Variants in SEMA6D observed in about 807,000 individuals in gnomAD.
SEMA6D encodes the protein semaphorin-6D.
SEMA6D carries 35 observed loss-of-function variants against 106.6 expected under a neutral mutation model. The ratio of observed to expected loss-of-function variants is 0.33; its 90% CI spans 0.25 to 0.44. The LOEUF (loss-of-function observed/expected upper bound fraction) is 0.44, where lower values mean the gene tolerates loss of function less well. Among genes scored for constraint, SEMA6D ranks in the 20% least tolerant of loss-of-function variants. The pLI is 1.00. For missense variants in SEMA6D, 1,185 were observed against 1,345.9 expected (o/e 0.88, Z 1.87); for synonymous variants, 499 against 487.7 (o/e 1.02, Z -0.31).
In SEMA6D at chr15:47,560,456, C is replaced by T. The variant is rs534173563; in HGVS notation, c.-86-40409C>T. Among the ~76,000 whole-genome samples, 11 of 151,904 alleles carry T rather than the reference C, an allele frequency of 7.2e-5. No individual in the cohort carries two copies. The South Asian group carries it at 8.3e-4, about 11-fold the overall frequency. On this transcript the variant is annotated intron_variant, in intron 3 of 19. Coordinates refer to the SEMA6D transcript ENST00000558014. ...AAGAAAATAATAAAGGGCTCAAGAG[C>T]AGATTTGAGATGGAAAAGAAAAATA...
At chr15:47,433,229 C>T (rs75531440) in intron 2 of SEMA6D, among the ~76,000 whole-genome samples, 2,800 of 152,068 alleles carry the variant, frequency 0.018, 83 homozygotes, top group African/African-American at 0.064. Context: ...CCATAGACAA[C>T]GCAAACATAA....
chr15:47,215,619 G>C (rs1290094151), intron 1 of SEMA6D, among the ~76,000 whole-genome samples: 1 of 151,960 alleles, frequency 6.6e-6, no homozygotes, highest in African/African-American at 2.4e-5. Flanking sequence ...ATTCATACAT[G>C]GTAATATTTA....
At chr15:47,554,780 G>A (rs1566885287) in intron 3 of SEMA6D, among the ~76,000 whole-genome samples, 3 of 151,994 alleles carry the variant, frequency 2.0e-5, no homozygotes, top group Non-Finnish European at 4.4e-5. Context: ...TGTTTTGGTC[G>A]TGTAGCTTCT....
intron 4 of SEMA6D, among the ~76,000 whole-genome samples, chr15:47,640,208 G>A (rs2077463902): frequency 6.6e-6 from 1 of 152,130 alleles, no homozygotes; most frequent in East Asian, 1.9e-4. Context: ...GGACACCAGG[G>A]ATAATTCACA....
intron 1 of SEMA6D, among the ~76,000 whole-genome samples, chr15:47,253,891 C>T (rs1299418847): frequency 1.3e-5 from 2 of 152,070 alleles, no homozygotes; most frequent in Non-Finnish European, 2.9e-5. Flanking sequence ...CTGTAAAGAA[C>T]GTCGTTGATA....
intron 2 of SEMA6D, among the ~76,000 whole-genome samples, chr15:47,464,382 A>G (rs952912399): frequency 3.3e-5 from 5 of 152,084 alleles, no homozygotes; most frequent in Non-Finnish European, 5.9e-5. Context: ...GAGGTGTCTC[A>G]TATGTGCTCG....
At chr15:47,526,519 A>G (rs545034906) in intron 3 of SEMA6D, among the ~76,000 whole-genome samples, 5 of 152,216 alleles carry the variant, frequency 3.3e-5, no homozygotes, top group African/African-American at 1.2e-4. Context: ...AGACCAAAGC[A>G]GCTAGCCAGT....
chr15:47,444,038 TTTAGAGTA>T (rs2041956606), intron 2 of SEMA6D, among the ~76,000 whole-genome samples: 2 of 152,148 alleles, frequency 1.3e-5, no homozygotes, highest in African/African-American at 2.4e-5. Flanking sequence ...ATCACCTACC[TTTAGAGTA>T]AGCCACCTGG....
intron 1 of SEMA6D, among the ~76,000 whole-genome samples, chr15:47,259,953 T>C (rs531132483): frequency 7.2e-5 from 11 of 152,034 alleles, no homozygotes; most frequent in Non-Finnish European, 1.2e-4. Context: ...TCAAGTTCAT[T>C]GATTCTCTCC....
At chr15:47,404,362 G>A (rs2040492768) in intron 1 of SEMA6D, among the ~76,000 whole-genome samples, 1 of 152,184 alleles carries the variant, frequency 6.6e-6, no homozygotes, top group Admixed American at 6.5e-5. Context: ...TTTTACTACT[G>A]TAGGGTAGGT....
At chr15:47,212,252 T>C (rs976135531) in intron 1 of SEMA6D, among the ~76,000 whole-genome samples, 2 of 152,210 alleles carry the variant, frequency 1.3e-5, no homozygotes, top group South Asian at 2.1e-4. Flanking sequence ...TGATGACTTA[T>C]GACAATGGCA....
chr15:47,349,885 C>T (rs1466721214), intron 1 of SEMA6D, among the ~76,000 whole-genome samples: 1 of 152,150 alleles, frequency 6.6e-6, no homozygotes, highest in African/African-American at 2.4e-5. Context: ...CTTGGAAGTT[C>T]TCATGCCATT....
intron 1 of SEMA6D, among the ~76,000 whole-genome samples, chr15:47,742,730 A>G (rs1329282436): frequency 2.6e-5 from 4 of 152,120 alleles, no homozygotes; most frequent in Admixed American, 2.6e-4. Flanking sequence ...GAAGAAACCC[A>G]CAGGTCCCTC....
intron 3 of SEMA6D, among the ~76,000 whole-genome samples, chr15:47,505,952 T>C (rs1430981343): frequency 6.6e-6 from 1 of 152,058 alleles, no homozygotes; most frequent in Non-Finnish European, 1.5e-5. Flanking sequence ...TACTCCAGTC[T>C]GAAGGTGTGG....
At chr15:47,319,906 T>C (rs2036857449) in intron 1 of SEMA6D, among the ~76,000 whole-genome samples, 1 of 152,110 alleles carries the variant, frequency 6.6e-6, no homozygotes, top group Non-Finnish European at 1.5e-5. Context: ...TTTTGGCAAT[T>C]CATCAATTAC....
intron 3 of SEMA6D, among the ~76,000 whole-genome samples, chr15:47,528,678 T>G (rs2044844094): frequency 6.6e-6 from 1 of 152,180 alleles, no homozygotes; most frequent in Admixed American, 6.5e-5. Context: ...TACAGGGAAG[T>G]TTGACATATT....
chr15:47,766,307 A>C, intron 15 of SEMA6D, 125 bp downstream of exon 15: 1 of 823,692 alleles, frequency 1.2e-6, no homozygotes, highest in Non-Finnish European at 1.9e-6. Flanking sequence ...GAGAAACAGG[A>C]AAACGAAAAC....
chr15:47,702,983 T>C (rs1596685262), intron 4 of SEMA6D, among the ~76,000 whole-genome samples: 1 of 152,136 alleles, frequency 6.6e-6, no homozygotes, highest in East Asian at 1.9e-4. Flanking sequence ...ACAGCACAAA[T>C]AGTGAACTGT....
intron 2 of SEMA6D, among the ~76,000 whole-genome samples, chr15:47,454,489 A>C (rs2042285196): frequency 6.6e-6 from 1 of 151,874 alleles, no homozygotes; most frequent in Non-Finnish European, 1.5e-5. Flanking sequence ...ACTACCCAGC[A>C]AGAATGCAAT....
Sources: allele counts gnomAD v4.1 joint callset (sites outside exome capture counted in the v4.1 genomes callset), GRCh38; gene constraint gnomAD v4.1.1; transcripts MANE v1.5; gene names NCBI Gene and HGNC (gene_info 2026-07-23, HGNC 2026-07-21).